NAAA: variants seen among roughly 807,000 people sequenced by gnomAD.
NAAA encodes the protein N-acylethanolamine-hydrolyzing acid amidase.
Under a neutral mutation model 44.8 loss-of-function variants are expected in NAAA, and 39 were observed. The ratio of observed to expected loss-of-function variants is 0.87; its 90% CI spans 0.67 to 1.14. The LOEUF (loss-of-function observed/expected upper bound fraction) is 1.14. NAAA is among the 50% of genes most tolerant of loss of function. NAAA has a pLI of 0.00. For missense variants in NAAA, 460 were observed against 467.8 expected, an observed-to-expected ratio of 0.98 and a Z score of 0.15; for synonymous variants, 178 against 191.3, an observed-to-expected ratio of 0.93 and a Z score of 0.58.
chr4:75,910,881 G>A (rs895182542), downstream of NAAA, among the ~76,000 whole-genome samples: 1 of 152,192 alleles, frequency 6.6e-6, no homozygotes, highest in Admixed American at 6.5e-5. Flanking sequence ...TCACCTGGGT[G>A]CACGTGGGCT....
At chr4:75,935,304 A>T (rs539341881) in intron 3 of NAAA, 1 of 152,350 alleles carries the variant, frequency 6.6e-6, no homozygotes, top group East Asian at 1.9e-4. Context: ...AACAAAGGGA[A>T]TATAGTCCTT....
intron 10 of NAAA, 130 bp downstream of exon 10, chr4:75,914,738 C>A (rs190939418): frequency 4.4e-5 from 27 of 606,868 alleles, no homozygotes; most frequent in African/African-American, 4.0e-4. Context: ...CAATCTGACA[C>A]AAATGACAAT....
downstream of NAAA, among the ~76,000 whole-genome samples, chr4:75,911,155 TG>T (rs779343615): frequency 3.3e-5 from 5 of 152,284 alleles, no homozygotes; most frequent in Non-Finnish European, 5.9e-5. Flanking sequence ...CAAAGTCAAT[TG>T]ATCAGTTAGG....
chr4:75,918,891 C>T (rs1725880502), intron 8 of NAAA, 102 bp from the exon 9 acceptor site: 1 of 1,178,738 alleles, frequency 8.5e-7, no homozygotes, highest in Admixed American at 1.8e-5. Flanking sequence ...GCCTGTAATC[C>T]CAGCACTTTG....
intron 9 of NAAA, among the ~76,000 whole-genome samples, chr4:75,915,702 G>A (rs989338683): frequency 2.0e-5 from 3 of 152,126 alleles, no homozygotes; most frequent in South Asian, 4.1e-4. Flanking sequence ...CTTTGGGGGG[G>A]TGGTATCACA....
chr4:75,927,881 T>C (rs1726881160), intron 4 of NAAA, among the ~76,000 whole-genome samples: 1 of 152,144 alleles, frequency 6.6e-6, no homozygotes, highest in African/African-American at 2.4e-5. Flanking sequence ...AGATACTCCA[T>C]ATCATTAATC....
chr4:75,925,324 T>C lies in NAAA; in HGVS notation c.666+411A>G, dbSNP rs532519542. On this transcript the variant is annotated intron_variant, in intron 5 of 10. Coordinates refer to ENST00000286733, the MANE Select transcript of NAAA (RefSeq NM_014435.4). ...TGCTGGGATTACAGGCGTGAGCCAC[T>C]GCGCCCTGCCTGGAGCATAACTTCT... 3.5e-4 allele frequency among the ~76,000 whole-genome samples: 54 copies of C among 152,282 alleles called. No homozygotes were observed. The Middle Eastern group carries it at 0.01, about 29-fold the overall frequency.
In NAAA at chr4:75,919,755, G is replaced by T. The variant is rs113224732; in HGVS notation, c.969+154C>A. ...GGCCTCCCAAAGTGCTGGGATTACA[G>T]GTGTGAGCCACCACTTTTAATACAT... On this transcript the variant is annotated intron_variant, in intron 8 of 10. Transcript: ENST00000286733. 4,829 of 735,016 alleles carry T rather than the reference G, an allele frequency of 6.6e-3. 159 individuals are homozygous for T. The African/African-American group carries it at 0.074, about 11-fold the overall frequency. 45.5% of individuals were successfully genotyped at this position (735,016 alleles called of 1,614,324 possible).
chr4:75,925,839 A>G lies in NAAA; in HGVS notation c.590-28T>C, dbSNP rs750648806. ...GCCAAGTTGAGTATATATGTTATAT[A>G]TGTGTGTGTATATATGTACACACAT... On this transcript the variant is annotated intron_variant, in intron 4 of 10. Transcript: ENST00000286733. 157 of 1,594,004 alleles carry G rather than the reference A, an allele frequency of 9.8e-5. 1 individual carries two copies. Among genetic ancestry groups the G allele is most frequent in the Non-Finnish European group, 1.3e-4 (152 of 1,161,834 alleles).
In NAAA at chr4:75,940,001, A is replaced by G. The variant is rs1410606382; in HGVS notation, c.371T>C (p.Val124Ala). 6.2e-7 allele frequency: 1 copy of G among 1,613,628 alleles called. No homozygotes were observed. The highest frequency in any genetic ancestry group is 8.5e-7 in the Non-Finnish European group (1 of 1,179,922). The change falls in exon 2 of 11, where the codon GTG (valine) becomes GCG (alanine). Residue 124 changes from valine (V) to alanine (A), a missense_variant and splice_region_variant. Transcript: ENST00000286733. The part of the protein sequence containing the change: ...LLVNLAYESS[V>A]FCTSIVAQDS... ...CTCCGCGCGGGCTTGGGGCACTCAC[A>G]CGGAGGACTCGTAGGCCAGGTTGAC...
At position 75,920,931 on chromosome 4, in the gene NAAA, G is replaced by C. The variant is rs1293821693; in HGVS notation, c.839+20C>G. 2.5e-6 allele frequency: 4 copies of C among 1,613,634 alleles called. No individual in the cohort carries two copies. The highest frequency in any genetic ancestry group is 4.5e-5 in the East Asian group (2 of 44,886). On this transcript the variant is annotated intron_variant, in intron 6 of 10. Transcript: ENST00000286733. ...ATGATTATCTGATACAAAATGACCA[G>C]AGCTTTCAATTCTACTTACGCTCCA... is the stretch of plus-strand genomic sequence containing the variant.
Position 75,921,078 on chromosome 4 carries a change from C to A in NAAA, c.712G>T (p.Ala238Ser), listed in dbSNP as rs765698619. 1.9e-6 allele frequency: 3 copies of A among 1,590,726 alleles called. No homozygotes were observed. The highest frequency in any genetic ancestry group is 2.3e-5 in the South Asian group (2 of 86,478). ...ENFEAAVGKL[A>S]KTPLIADVYY... is the part of the protein sequence containing the mutation. ...ACATCAGCAATAAGGGGAGTCTTGG[C>A]CAACTTGCCAACAGCTGCTTCGAAG... Residue 238 changes from alanine to serine, a missense_variant, in exon 6 of 11, where the codon GCC (alanine) becomes TCC (serine). By Grantham distance (99) the Ala-to-Ser change is moderately conservative. Transcript: ENST00000286733.
chr4:75,939,920 G>A, intron 2 of NAAA, 81 bp downstream of exon 2: 4 of 1,534,050 alleles, frequency 2.6e-6, no homozygotes, highest in South Asian at 2.3e-5. Context: ...TTATCACACG[G>A]AAAATATGTC....
At chr4:75,935,042 G>A (rs1307474146) in intron 3 of NAAA, 1 of 152,082 alleles carries the variant, frequency 6.6e-6, no homozygotes, top group Non-Finnish European at 1.5e-5. Flanking sequence ...ATATTTAGCA[G>A]ATTTCCTTTG....
intron 5 of NAAA, among the ~76,000 whole-genome samples, chr4:75,925,337 G>C (rs1163456743): frequency 6.6e-6 from 1 of 152,056 alleles, no homozygotes; most frequent in Non-Finnish European, 1.5e-5. Context: ...GCCCTGCCTG[G>C]AGCATAACTT....
At position 75,926,686 on chromosome 4, in the gene NAAA, C is replaced by A. The variant is rs188545363; in HGVS notation, c.590-875G>T. On this transcript the variant is annotated intron_variant, in intron 4 of 10. Coordinates refer to ENST00000286733, the MANE Select transcript of NAAA (RefSeq NM_014435.4). ...TCAGAGAACTCCTAAAACTCAACAACAACAAAACAAACATTCCAATTTAAA... is the reference window on the plus strand; with the variant it reads ...TCAGAGAACTCCTAAAACTCAACAAAAACAAAACAAACATTCCAATTTAAA... Among the ~76,000 whole-genome samples the A allele has an allele frequency of 1.9e-3, 288 of 151,262 alleles. 1 individual carries two copies. Among genetic ancestry groups the A allele is most frequent in the Non-Finnish European group, 2.5e-3 (170 of 67,816 alleles).
Position 75,920,756 on chromosome 4 carries a change from G to T in NAAA, c.884C>A (p.Pro295His). Reference sequence around the variant, plus strand: ...AGCCTACCTCCGGTCATCTTCCTTGGGTGCTGGCTTCCAGTGGTCGTAATT... The same window carrying T: ...AGCCTACCTCCGGTCATCTTCCTTGTGTGCTGGCTTCCAGTGGTCGTAATT... ...ETNYDHWKPA[P>H]KEDDRRTSAI... Residue 295 changes from proline to histidine, a missense_variant, in exon 7 of 11, where the codon CCC becomes CAC. Pro to His is a moderately conservative substitution (Grantham distance 77, BLOSUM62 -2). Transcript: ENST00000286733. The T allele has an allele frequency of 6.2e-7, 1 of 1,614,156 alleles. No homozygotes were observed. The highest frequency in any genetic ancestry group is 1.1e-5 in the South Asian group (1 of 91,088).
chr4:75,913,435 G>A (rs1725412652), downstream of NAAA, among the ~76,000 whole-genome samples: 1 of 151,958 alleles, frequency 6.6e-6, no homozygotes, highest in Non-Finnish European at 1.5e-5. Flanking sequence ...ACTGAGTGCT[G>A]CTTCAGGCAC....
At position 75,931,192 on chromosome 4, in the gene NAAA, C is replaced by A. The variant is rs192270263; in HGVS notation, c.589+22G>T. ...CTGAACAATAATGTAGCTAAAATTA[C>A]ACAGGGGTTTGTTTTGATTACCTCG... On this transcript the variant is annotated intron_variant, in intron 4 of 10. Transcript: ENST00000286733. 32 of 1,594,510 alleles carry A rather than the reference C, an allele frequency of 2.0e-5. No homozygotes were observed. In the East Asian group the frequency reaches 6.7e-4, roughly 33 times the overall value.
Sources: gnomAD v4.1 joint callset for allele counts (sites outside exome capture counted in the v4.1 genomes callset) on GRCh38, gnomAD v4.1.1 for gene constraint, MANE v1.5 for transcripts, NCBI Gene and HGNC (gene_info 2026-07-23, HGNC 2026-07-21) for gene names.